Variants in EYS observed in about 807,000 individuals in gnomAD.
The protein encoded by EYS is protein eyes shut homolog.
Under a neutral mutation model 282.1 loss-of-function variants are expected in EYS, and 250 were observed. That is an observed-to-expected ratio of 0.89 (90% confidence interval 0.80 to 0.98). EYS has a LOEUF of 0.98. Ranked by LOEUF, EYS falls within the 50% of genes least tolerant of loss-of-function variation. The pLI is 0.00. For synonymous variants in EYS, 1,355 were observed against 1,282.9 expected (o/e 1.06, Z -1.20); for missense variants, 4,016 against 3,709.0 (o/e 1.08, Z -2.15).
chr6:65,492,321 GAAGA>G (rs370825508), intron 4 of EYS, among the ~76,000 whole-genome samples: 16 of 99,642 alleles, frequency 1.6e-4, no homozygotes, highest in Non-Finnish European at 1.2e-4. Flanking sequence ...GAGAAAGAAA[GAAGA>G]AAGAAAGAAA....
chr6:64,699,149 A>G (rs1770693081), intron 22 of EYS, among the ~76,000 whole-genome samples: 1 of 152,218 alleles, frequency 6.6e-6, no homozygotes, highest in African/African-American at 2.4e-5. Context: ...CCATAAAAAA[A>G]GAACAAGATC....
chr6:65,215,580 T>C (rs1428821403), intron 12 of EYS, among the ~76,000 whole-genome samples: 2 of 152,192 alleles, frequency 1.3e-5, no homozygotes, highest in Non-Finnish European at 2.9e-5. Context: ...AAAAACTTAG[T>C]TCATGAAACC....
chr6:65,401,322 A>C (rs1766485353), intron 7 of EYS, among the ~76,000 whole-genome samples: 1 of 150,892 alleles, frequency 6.6e-6, no homozygotes, highest in South Asian at 2.1e-4. Context: ...TTATATCTCT[A>C]TTATTTCACC....
chr6:65,653,195 T>C (rs1582566320), intron 1 of EYS, among the ~76,000 whole-genome samples: 1 of 151,934 alleles, frequency 6.6e-6, no homozygotes, highest in Admixed American at 6.6e-5. Flanking sequence ...TGCCTACCTT[T>C]GTCCAAAACC....
intron 13 of EYS, among the ~76,000 whole-genome samples, chr6:65,009,722 C>A (rs1771806528): frequency 6.6e-6 from 1 of 152,120 alleles, no homozygotes; most frequent in Non-Finnish European, 1.5e-5. Flanking sequence ...ATCAAGCCAC[C>A]CAAGAGCTCT....
intron 31 of EYS, among the ~76,000 whole-genome samples, chr6:64,139,101 C>T (rs1183121829): frequency 6.6e-6 from 1 of 151,798 alleles, no homozygotes; most frequent in Non-Finnish European, 1.5e-5. Context: ...GTTTTAATAC[C>T]AACTCTGAAA....
At chr6:64,181,422 C>T (rs1379838310) in intron 31 of EYS, among the ~76,000 whole-genome samples, 1 of 152,028 alleles carries the variant, frequency 6.6e-6, no homozygotes, top group Non-Finnish European at 1.5e-5. Flanking sequence ...AATATATTCA[C>T]TCATGCCAAT....
intron 22 of EYS, among the ~76,000 whole-genome samples, chr6:64,735,938 T>C (rs12191959): frequency 1.7e-4 from 26 of 151,988 alleles, no homozygotes; most frequent in Non-Finnish European, 2.6e-4. Flanking sequence ...TAGAGCTTTT[T>C]TGAGTTACAT....
At chr6:64,288,966 C>T (rs569103518) in intron 30 of EYS, among the ~76,000 whole-genome samples, 1 of 152,212 alleles carries the variant, frequency 6.6e-6, no homozygotes, top group South Asian at 2.1e-4. Context: ...AACCTCCTAT[C>T]TGGTTTTCCT....
chr6:63,948,690 C>A (rs897407150), intron 35 of EYS, among the ~76,000 whole-genome samples: 1 of 151,976 alleles, frequency 6.6e-6, no homozygotes, highest in Non-Finnish European at 1.5e-5. Flanking sequence ...TTGAATCAAC[C>A]TTTCAGTCAA....
chr6:63,881,218 A>AG (rs1223867346), intron 35 of EYS, among the ~76,000 whole-genome samples: 2 of 152,126 alleles, frequency 1.3e-5, no homozygotes, highest in East Asian at 1.9e-4. Context: ...TTATTTTTAA[A>AG]GCTCCAGTGA....
rs34663169 is a variant in EYS at position 64,249,063 on chromosome 6, C to CAAAAAAAAAAAAAAAAA, written c.6192-18256_6192-18240dup. Among the ~76,000 whole-genome samples, 90 of 70,054 alleles carry CAAAAAAAAAAAAAAAAA rather than the reference C, an allele frequency of 1.3e-3. 10 individuals carry two copies. The highest frequency in any genetic ancestry group is 5.6e-3 in the African/African-American group (79 of 14,222). The allele number at this position is 70,054 out of a possible 152,430, so 46.0% of individuals were successfully genotyped here. A position where few individuals can be genotyped will look rare whatever the true frequency, so the allele number is the denominator to read the frequency against. ...TGGGCTACAGAGTGACACCCTGTCT[C>CAAAAAAAAAAAAAAAAA]AAAAAAAAAAAAAAAAAAAAAAGAT... On this transcript the variant is annotated intron_variant, in intron 30 of 42. Coordinates refer to ENST00000503581, the MANE Select transcript of EYS (RefSeq NM_001142800.2).
At chr6:64,212,948 T>C (rs962769735) in intron 31 of EYS, among the ~76,000 whole-genome samples, 2 of 152,168 alleles carry the variant, frequency 1.3e-5, no homozygotes, top group Non-Finnish European at 2.9e-5. Context: ...AATGAGATCA[T>C]GTCCTTTGCA....
At position 63,792,808 on chromosome 6, in the gene EYS, G is replaced by A. The variant is rs1770551437; in HGVS notation, c.7412-3584C>T. Among the ~76,000 whole-genome samples, 5 of 152,120 alleles carry A rather than the reference G, an allele frequency of 3.3e-5. No homozygotes were observed. In the South Asian group the frequency reaches 1.0e-3, roughly 32 times the overall value. ...GGGGCTTTAAGTTCCAAAGGGCCCC[G>A]TTGCTTGGTTTAATGCTCTGTGTCA... On this transcript the variant is annotated intron_variant, in intron 37 of 42. Coordinates refer to ENST00000503581, the MANE Select transcript of EYS (RefSeq NM_001142800.2).
At chr6:64,058,233 C>T (rs1378003026) in intron 33 of EYS, among the ~76,000 whole-genome samples, 1 of 151,484 alleles carries the variant, frequency 6.6e-6, no homozygotes. Context: ...TGTGAGGCCT[C>T]CCCAGTCATG....
chr6:64,102,167 T>C (rs957679246), intron 31 of EYS, among the ~76,000 whole-genome samples: 34 of 152,172 alleles, frequency 2.2e-4, no homozygotes, highest in African/African-American at 7.5e-4. Context: ...ATTTAAAGAA[T>C]TGAATGTGTA....
intron 36 of EYS, among the ~76,000 whole-genome samples, chr6:63,840,366 A>T (rs897071790): frequency 2.6e-5 from 4 of 151,608 alleles, no homozygotes; most frequent in African/African-American, 9.7e-5. Context: ...GCCCAGCCCC[A>T]TTTCTTAATT....
chr6:63,877,204 T>G (rs540689716), intron 35 of EYS, among the ~76,000 whole-genome samples: 14 of 152,290 alleles, frequency 9.2e-5, no homozygotes, highest in South Asian at 4.1e-4. Flanking sequence ...GTCTGTAAAG[T>G]ATTTTATTTC....
rs888023859 is a variant in EYS at position 65,431,670 on chromosome 6, C to A, written c.863-26303G>T. ...ATTGCTCAAATTATATTCATGATCA[C>A]CGGCTGTTCTAAAATCAATTTTATT... On this transcript the variant is annotated intron_variant, in intron 5 of 42. Transcript: ENST00000503581. 7.9e-5 allele frequency among the ~76,000 whole-genome samples: 12 copies of A among 151,994 alleles called. No individual in the cohort carries two copies. The East Asian group carries it at 1.4e-3, about 17-fold the overall frequency.
Sources: allele counts gnomAD v4.1 joint callset (sites outside exome capture counted in the v4.1 genomes callset), GRCh38; gene constraint gnomAD v4.1.1; transcripts MANE v1.5; gene names NCBI Gene and HGNC (gene_info 2026-07-23, HGNC 2026-07-21).